The following NFIA variants were observed in gnomAD, a reference collection of about 807,000 sequenced individuals.
The protein encoded by NFIA is nuclear factor 1 A-type.
Under a neutral mutation model 62.8 loss-of-function variants are expected in NFIA, and 8 were observed. The ratio of observed to expected loss-of-function variants is 0.13; its 90% CI spans 0.07 to 0.23. NFIA has a LOEUF of 0.23. Ranked by LOEUF, NFIA falls within the 10% of genes least tolerant of loss-of-function variation. The pLI, the probability that NFIA is intolerant of heterozygous loss-of-function variation, is 1.00. For missense variants in NFIA, 410 were observed against 642.1 expected (o/e 0.64, Z 3.91); for synonymous variants, 235 against 238.1 (o/e 0.99, Z 0.12).
intron 6 of NFIA, among the ~76,000 whole-genome samples, chr1:61,360,531 C>T (rs530578074): frequency 6.6e-6 from 1 of 152,338 alleles, no homozygotes; most frequent in East Asian, 1.9e-4. Context: ...CCATCCTTCC[C>T]CAGCTTTTGC....
intron 3 of NFIA, among the ~76,000 whole-genome samples, chr1:61,327,823 C>G (rs867531551): frequency 6.6e-6 from 1 of 152,058 alleles, no homozygotes; most frequent in Non-Finnish European, 1.5e-5. Context: ...ACTTTGAGTT[C>G]TTTAAGAAAT....
At chr1:61,361,124 G>A (rs545568269) in intron 6 of NFIA, among the ~76,000 whole-genome samples, 23 of 152,302 alleles carry the variant, frequency 1.5e-4, no homozygotes, top group African/African-American at 4.6e-4. Flanking sequence ...TTAGTCTTCC[G>A]TGACTTCTGT....
chr1:61,402,885 G>T (rs952908400), intron 7 of NFIA, among the ~76,000 whole-genome samples: 1 of 152,200 alleles, frequency 6.6e-6, no homozygotes, highest in Admixed American at 6.5e-5. Flanking sequence ...GTCAGAAAGT[G>T]CCCCAATCAT....
intron 7 of NFIA, among the ~76,000 whole-genome samples, chr1:61,401,639 C>T (rs1026724345): frequency 5.9e-5 from 9 of 152,162 alleles, no homozygotes; most frequent in African/African-American, 2.2e-4. Flanking sequence ...GCACCTGAGG[C>T]AGCGGCACTT....
intron 2 of NFIA, among the ~76,000 whole-genome samples, chr1:61,255,008 G>A (rs1343312008): frequency 6.6e-6 from 1 of 152,128 alleles, no homozygotes; most frequent in Non-Finnish European, 1.5e-5. Context: ...CTTTTCACTG[G>A]CTTAGCGATC....
intron 2 of NFIA, among the ~76,000 whole-genome samples, chr1:61,148,860 C>T (rs1165568959): frequency 6.6e-6 from 1 of 151,968 alleles, no homozygotes; most frequent in Non-Finnish European, 1.5e-5. Flanking sequence ...GAAATTGAAC[C>T]ATTCTCTTTC....
At chr1:61,419,442 A>G (rs997046743) in intron 9 of NFIA, among the ~76,000 whole-genome samples, 3 of 152,150 alleles carry the variant, frequency 2.0e-5, no homozygotes, top group Admixed American at 6.5e-5. Flanking sequence ...TGTCTCTAAA[A>G]CAAAAGATTG....
chr1:61,110,061 A>AG (rs538895851), intron 2 of NFIA, among the ~76,000 whole-genome samples: 177 of 151,942 alleles, frequency 1.2e-3, no homozygotes, highest in African/African-American at 4.2e-3. Flanking sequence ...GAGAGAGATA[A>AG]GGGGGGCAGA....
At chr1:61,272,598 C>G (rs437021) in intron 2 of NFIA, among the ~76,000 whole-genome samples, 1 of 152,092 alleles carries the variant, frequency 6.6e-6, no homozygotes, top group South Asian at 2.1e-4. Context: ...CTGCAGAGTA[C>G]TTATCTTCCC....
chr1:61,195,837 A>G (rs531725593), intron 2 of NFIA, among the ~76,000 whole-genome samples: 1 of 152,282 alleles, frequency 6.6e-6, no homozygotes, highest in Non-Finnish European at 1.5e-5. Context: ...CTTTTTATTA[A>G]CTTAGTTCTT....
rs118094524 is a variant in NFIA at position 61,370,908 on chromosome 1, G to T, written c.946+11634G>T. Among the ~76,000 whole-genome samples the T allele has an allele frequency of 9.6e-4, 146 of 152,156 alleles. 2 individuals carry two copies. The East Asian group carries it at 0.021, about 22-fold the overall frequency. ...TTTGCGTAGCTGGAAGTGCACTCAC[G>T]TCATTAGAAATTCAAGGAATGGCAA... On this transcript the variant is annotated intron_variant, in intron 6 of 10. Coordinates refer to ENST00000403491, the MANE Select transcript of NFIA (RefSeq NM_001134673.4).
At chr1:61,438,652 G>A (rs1667440120) in intron 10 of NFIA, among the ~76,000 whole-genome samples, 1 of 151,984 alleles carries the variant, frequency 6.6e-6, no homozygotes, top group African/African-American at 2.4e-5. Context: ...CTCGTTGTAA[G>A]GATAAATACA....
intron 4 of NFIA, among the ~76,000 whole-genome samples, chr1:61,342,615 C>T (rs1251787827): frequency 6.6e-6 from 1 of 152,220 alleles, no homozygotes; most frequent in Non-Finnish European, 1.5e-5. Flanking sequence ...GGAACTCTTG[C>T]TGACGCTTAT....
At chr1:61,114,230 A>G (rs946002118) in intron 2 of NFIA, among the ~76,000 whole-genome samples, 24 of 152,234 alleles carry the variant, frequency 1.6e-4, no homozygotes, top group African/African-American at 5.5e-4. Flanking sequence ...TTGTTATCTT[A>G]AAATAGCAAC....
intron 6 of NFIA, among the ~76,000 whole-genome samples, chr1:61,363,336 G>A (rs976020770): frequency 2.6e-5 from 4 of 152,138 alleles, no homozygotes; most frequent in Non-Finnish European, 4.4e-5. Flanking sequence ...CGGGTGTGAT[G>A]GCTCACGCCT....
intron 9 of NFIA, among the ~76,000 whole-genome samples, chr1:61,421,701 T>C (rs1284817902): frequency 1.3e-5 from 2 of 152,222 alleles, no homozygotes; most frequent in Non-Finnish European, 2.9e-5. Flanking sequence ...AACCAGCCAC[T>C]TAGCCTCCTT....
chr1:61,396,480 C>T (rs186022413), intron 7 of NFIA, among the ~76,000 whole-genome samples: 83 of 152,168 alleles, frequency 5.5e-4, no homozygotes, highest in South Asian at 1.7e-3. Context: ...CTCCTGGGCT[C>T]GAGTGATTCT....
At chr1:61,090,135 T>C (rs1646294447) in intron 2 of NFIA, among the ~76,000 whole-genome samples, 3 of 152,212 alleles carry the variant, frequency 2.0e-5, no homozygotes, top group Non-Finnish European at 4.4e-5. Flanking sequence ...CTCTTAACCC[T>C]GTTGTTGTTC....
upstream of NFIA, chr1:61,082,386 G>T (rs1426347522): frequency 8.0e-6 from 6 of 748,786 alleles, no homozygotes; most frequent in Non-Finnish European, 9.7e-6. Flanking sequence ...CCCCCGCGGC[G>T]GCGGCGCGAG....
Sources: allele counts gnomAD v4.1 joint callset (sites outside exome capture counted in the v4.1 genomes callset), GRCh38; gene constraint gnomAD v4.1.1; transcripts MANE v1.5; gene names NCBI Gene and HGNC (gene_info 2026-07-23, HGNC 2026-07-21).